XKR4: variants seen among roughly 807,000 people sequenced by gnomAD.
XKR4 encodes the protein XK related 4.
XKR4 carries 12 observed loss-of-function variants against 53.9 expected under a neutral mutation model. That is an observed-to-expected ratio of 0.22 (90% confidence interval 0.14 to 0.36). XKR4 has a LOEUF of 0.36. XKR4 is among the 10% of genes least tolerant of loss of function. The probability of loss-of-function intolerance (pLI) is 1.00; values close to 1 mark genes in which losing one functional copy is unlikely to be tolerated. For synonymous variants in XKR4, 354 were observed against 362.4 expected, an observed-to-expected ratio of 0.98 and a Z score of 0.26; for missense variants, 799 against 859.5, an observed-to-expected ratio of 0.93 and a Z score of 0.88.
intron 1 of XKR4, among the ~76,000 whole-genome samples, chr8:55,123,776 A>G (rs1816425138): frequency 1.3e-5 from 2 of 152,218 alleles, no homozygotes; most frequent in South Asian, 4.1e-4. Context: ...AGTGACAGCC[A>G]TGATTTATTG....
intron 2 of XKR4, chr8:55,452,721 G>C: frequency 2.0e-6 from 2 of 1,020,324 alleles, no homozygotes; most frequent in Non-Finnish European, 3.1e-6. Context: ...CACAGCCCCA[G>C]CTACATTGCA....
rs1465561054 is a variant in XKR4 at position 55,532,573 on chromosome 8, A to G, written c.*8346A>G. On this transcript the variant is annotated 3_prime_UTR_variant, in exon 3 of 3. Coordinates refer to ENST00000327381, the MANE Select transcript of XKR4 (RefSeq NM_052898.2). ...CACTTTGGGAGGCTGAGGCGGGCGG[A>G]TCACAAGGTCAGGAGATCGAGACCA... 5 of 152,132 alleles carry G rather than the reference A, an allele frequency of 3.3e-5. No homozygotes were observed. The highest frequency in any genetic ancestry group is 3.3e-4 in the Admixed American group (5 of 15,270). 9.4% of individuals were successfully genotyped at this position (152,132 alleles called of 1,614,324 possible).
At chr8:55,355,277 A>G (rs1189046938) in intron 1 of XKR4, among the ~76,000 whole-genome samples, 1 of 152,182 alleles carries the variant, frequency 6.6e-6, no homozygotes, top group African/African-American at 2.4e-5. Flanking sequence ...CACTATACAC[A>G]CACCACAGTG....
chr8:55,454,403 G>T, intron 2 of XKR4: 4 of 1,373,286 alleles, frequency 2.9e-6, no homozygotes, highest in Non-Finnish European at 4.1e-6. Flanking sequence ...AAACAGCAAT[G>T]CCAGGAGGCT....
At chr8:55,304,955 G>A (rs772949656) in intron 1 of XKR4, among the ~76,000 whole-genome samples, 24 of 151,994 alleles carry the variant, frequency 1.6e-4, no homozygotes, top group Non-Finnish European at 2.6e-4. Context: ...ATAACAATAA[G>A]ATTATTAAAC....
intron 1 of XKR4, among the ~76,000 whole-genome samples, chr8:55,223,667 C>G (rs968291381): frequency 3.3e-5 from 5 of 152,076 alleles, no homozygotes; most frequent in African/African-American, 1.2e-4. Context: ...CTGTAAACAT[C>G]CTTAAACAAC....
At chr8:55,183,482 C>T (rs1027776053) in intron 1 of XKR4, among the ~76,000 whole-genome samples, 2 of 151,990 alleles carry the variant, frequency 1.3e-5, no homozygotes, top group Non-Finnish European at 2.9e-5. Context: ...TTTGACACTT[C>T]CTCATTGATC....
At chr8:55,330,553 T>C (rs1280976559) in intron 1 of XKR4, among the ~76,000 whole-genome samples, 2 of 152,154 alleles carry the variant, frequency 1.3e-5, no homozygotes, top group East Asian at 3.8e-4. Context: ...TACCTTTAAA[T>C]CCTCTTAATG....
chr8:55,511,500 G>A (rs1044793187), intron 2 of XKR4, among the ~76,000 whole-genome samples: 1 of 152,004 alleles, frequency 6.6e-6, no homozygotes, highest in African/African-American at 2.4e-5. Flanking sequence ...TTCAGCATCG[G>A]GAGGAACCCC....
At chr8:55,430,468 G>C (rs181393977) in intron 2 of XKR4, among the ~76,000 whole-genome samples, 134 of 152,302 alleles carry the variant, frequency 8.8e-4, no homozygotes, top group Non-Finnish European at 1.5e-3. Flanking sequence ...TGGAATGCTA[G>C]ATTATACAAA....
intron 1 of XKR4, chr8:55,161,387 C>T (rs901771687): frequency 7.9e-6 from 3 of 377,382 alleles, no homozygotes; most frequent in Non-Finnish European, 1.6e-5. Flanking sequence ...TTGGTCCCCT[C>T]CTTACATCAC....
intron 2 of XKR4, among the ~76,000 whole-genome samples, chr8:55,363,282 C>T (rs566424344): frequency 6.6e-6 from 1 of 152,248 alleles, no homozygotes; most frequent in South Asian, 2.1e-4. Flanking sequence ...ACGAAAAACA[C>T]CGACTTCTCA....
At chr8:55,313,453 T>C (rs1819414599) in intron 1 of XKR4, among the ~76,000 whole-genome samples, 2 of 152,158 alleles carry the variant, frequency 1.3e-5, no homozygotes, top group South Asian at 2.1e-4. Flanking sequence ...TTTCCTGAGG[T>C]GCACTCTGGC....
intron 1 of XKR4, among the ~76,000 whole-genome samples, chr8:55,140,909 C>A (rs1344454896): frequency 6.6e-6 from 1 of 152,130 alleles, no homozygotes; most frequent in Non-Finnish European, 1.5e-5. Flanking sequence ...TGTAGATGTT[C>A]ATTTGTCCAT....
intron 1 of XKR4, among the ~76,000 whole-genome samples, chr8:55,243,972 C>T (rs956788589): frequency 2.0e-5 from 3 of 152,198 alleles, no homozygotes; most frequent in Non-Finnish European, 2.9e-5. Flanking sequence ...TGTGCATGCT[C>T]ATTTAGGAAA....
intron 1 of XKR4, among the ~76,000 whole-genome samples, chr8:55,159,814 A>T (rs1236354921): frequency 6.6e-6 from 1 of 152,212 alleles, no homozygotes; most frequent in Non-Finnish European, 1.5e-5. Flanking sequence ...AGAGAAAAGG[A>T]CTAGCTAGAG....
At chr8:55,365,991 C>T (rs527392259) in intron 2 of XKR4, among the ~76,000 whole-genome samples, 7 of 152,290 alleles carry the variant, frequency 4.6e-5, no homozygotes, top group Non-Finnish European at 8.8e-5. Context: ...TGGAACATTC[C>T]GGCTGCGGAG....
At chr8:55,405,899 T>A (rs1181538444) in intron 2 of XKR4, among the ~76,000 whole-genome samples, 1 of 152,172 alleles carries the variant, frequency 6.6e-6, no homozygotes, top group African/African-American at 2.4e-5. Context: ...TCCTTCTCTG[T>A]AAGTGAGCCC....
intron 1 of XKR4, among the ~76,000 whole-genome samples, chr8:55,112,338 T>C (rs896043351): frequency 1.3e-5 from 2 of 152,106 alleles, no homozygotes; most frequent in African/African-American, 4.8e-5. Flanking sequence ...ATCATGCACA[T>C]ATAGAAGTAG....
Sources: gnomAD v4.1 joint callset for allele counts (sites outside exome capture counted in the v4.1 genomes callset) on GRCh38, gnomAD v4.1.1 for gene constraint, MANE v1.5 for transcripts, NCBI Gene and HGNC (gene_info 2026-07-23, HGNC 2026-07-21) for gene names.